The following EPS15L1 variants were observed in gnomAD, a reference collection of about 807,000 sequenced individuals.
EPS15L1 encodes the protein epidermal growth factor receptor substrate 15-like 1.
Under a neutral mutation model 117.1 loss-of-function variants are expected in EPS15L1, and 43 were observed. The observed-to-expected ratio is 0.37, with a 90% CI of 0.29 to 0.47. The LOEUF (loss-of-function observed/expected upper bound fraction) is 0.47. Among genes scored for constraint, EPS15L1 ranks in the 20% least tolerant of loss-of-function variants. The probability of loss-of-function intolerance (pLI) is 0.99; values close to 1 mark genes in which losing one functional copy is unlikely to be tolerated. For synonymous variants in EPS15L1, 459 were observed against 470.5 expected (o/e 0.98, Z 0.32); for missense variants, 981 against 1,164.0 (o/e 0.84, Z 2.29).
intron 1 of EPS15L1, among the ~76,000 whole-genome samples, chr19:16,452,389 C>T (rs1412296676): frequency 1.3e-5 from 2 of 148,758 alleles, no homozygotes; most frequent in Non-Finnish European, 3.0e-5. Flanking sequence ...GAGTTTGCAG[C>T]GAGCTGAGAT....
In EPS15L1 at chr19:16,373,617, G is replaced by A. The variant is rs546834194; in HGVS notation, c.2380+3505C>T. ...TTCACCCGACACTCATCTGCTGACC[G>A]CTCTTGCCCATAACCAGAGGCCTCC... On this transcript the variant is annotated intron_variant, in intron 22 of 23. Coordinates refer to ENST00000455140, the MANE Select transcript of EPS15L1 (RefSeq NM_001258374.3). Among the ~76,000 whole-genome samples the A allele has an allele frequency of 2.0e-5, 3 of 152,192 alleles. No homozygotes were observed. In the East Asian group the frequency reaches 5.8e-4, roughly 29 times the overall value.
chr19:16,440,935 AGCATGACT>A, intron 3 of EPS15L1, 26 bp from the exon 4 acceptor site: 1 of 1,613,210 alleles, frequency 6.2e-7, no homozygotes, highest in Non-Finnish European at 8.5e-7. Flanking sequence ...AATGCTCATA[AGCATGACT>A]GCCGATCACT....
At chr19:16,443,460 G>A (rs1223319796) in intron 1 of EPS15L1, 3 of 152,256 alleles carry the variant, frequency 2.0e-5, no homozygotes, top group Admixed American at 2.0e-4. Context: ...TATAATCCCA[G>A]TACTTTGTGA....
intron 4 of EPS15L1, 164 bp downstream of exon 4, chr19:16,440,698 A>G (rs1351550034): frequency 1.8e-6 from 1 of 571,188 alleles, no homozygotes; most frequent in East Asian, 2.8e-5. Context: ...CAAGTGTTTA[A>G]AAGACCTTTA....
chr19:16,430,225 G>T (rs2092914229), intron 7 of EPS15L1, among the ~76,000 whole-genome samples: 1 of 152,190 alleles, frequency 6.6e-6, no homozygotes, highest in South Asian at 2.1e-4. Context: ...AGTGGGTCAG[G>T]GGCCCTCCCC....
intron 1 of EPS15L1, among the ~76,000 whole-genome samples, chr19:16,469,386 G>T (rs1001261531): frequency 7.9e-5 from 12 of 152,136 alleles, no homozygotes; most frequent in Admixed American, 7.9e-4. Flanking sequence ...CGGGGTTAAG[G>T]ACGGAGGGGC....
chr19:16,441,842 G>A lies in EPS15L1; in HGVS notation c.165+50C>T, dbSNP rs751492265. 6.2e-6 allele frequency: 9 copies of A among 1,459,306 alleles called. No individual in the cohort carries two copies. In the East Asian group the frequency reaches 1.4e-4, roughly 22 times the overall value. 90.4% of individuals were successfully genotyped at this position (1,459,306 alleles called of 1,614,324 possible). ...ACAGGCTGGCCCTGACCTGCGGGGG[G>A]AGCTGTGAGGGCAGCCACAGAAGAG... On this transcript the variant is annotated intron_variant, in intron 3 of 23. Transcript: ENST00000455140.
At chr19:16,467,762 C>T (rs2093316932) in intron 1 of EPS15L1, among the ~76,000 whole-genome samples, 1 of 152,210 alleles carries the variant, frequency 6.6e-6, no homozygotes, top group African/African-American at 2.4e-5. Context: ...TCCAGACACA[C>T]TGGCCGGGTG....
intron 7 of EPS15L1, among the ~76,000 whole-genome samples, chr19:16,433,705 G>A (rs2092951344): frequency 1.3e-5 from 2 of 151,426 alleles, no homozygotes; most frequent in African/African-American, 2.4e-5. Context: ...GGTGGCTCAC[G>A]CCTGTAATCC....
At chr19:16,445,658 G>A (rs2093076161) in intron 1 of EPS15L1, among the ~76,000 whole-genome samples, 1 of 152,184 alleles carries the variant, frequency 6.6e-6, no homozygotes, top group Admixed American at 6.5e-5. Context: ...AGACCTCTTG[G>A]CCCCCAAAAG....
At chr19:16,391,227 A>C (rs1211695680) in intron 19 of EPS15L1, among the ~76,000 whole-genome samples, 1 of 152,196 alleles carries the variant, frequency 6.6e-6, no homozygotes, top group Non-Finnish European at 1.5e-5. Flanking sequence ...AAAAATAGAA[A>C]TAGAAAAGAG....
At chr19:16,387,283 G>T (rs2092429889) in intron 19 of EPS15L1, among the ~76,000 whole-genome samples, 1 of 152,180 alleles carries the variant, frequency 6.6e-6, no homozygotes, top group Non-Finnish European at 1.5e-5. Flanking sequence ...GGACAACATG[G>T]CAAAACCCTG....
chr19:16,378,275 G>A (rs1266495064), intron 21 of EPS15L1, among the ~76,000 whole-genome samples: 1 of 151,972 alleles, frequency 6.6e-6, no homozygotes, highest in African/African-American at 2.4e-5. Context: ...CTTCATCGCT[G>A]CCCCAGCTGC....
intron 10 of EPS15L1, 89 bp from the exon 11 acceptor site, chr19:16,418,193 A>ACAGCGAC: frequency 6.8e-7 from 1 of 1,461,208 alleles, no homozygotes; most frequent in Non-Finnish European, 9.3e-7. Flanking sequence ...TTCAAAAACG[A>ACAGCGAC]CAGCGACGAA....
chr19:16,421,419 G>C lies in EPS15L1; in HGVS notation c.850C>G (p.Leu284Val), dbSNP rs111241325. 39 of 1,614,090 alleles carry C rather than the reference G, an allele frequency of 2.4e-5. No individual in the cohort carries two copies. Among genetic ancestry groups the C allele is most frequent in the African/African-American group, 2.3e-4 (17 of 75,044 alleles). The change falls in exon 10 of 24, where the codon CTG (leucine) becomes GTG (valine). Residue 284 changes from leucine to valine, a missense_variant. Leu to Val is a conservative substitution (Grantham distance 32). Transcript: ENST00000455140. ...CCATCCAGGTCCAGGTCGGTCTTCA[G>C]GAATATCTCATCAAATCGCATCTTG... ...ADKMRFDEIF[L>V]KTDLDLDGYV...
rs1404399815 is a variant in EPS15L1, at chr19:16,418,247, T to C, written c.951-143A>G. ...TGGCAAGCCCCAGCTCCTTCCCTACTTCACATCTCCTTCCCAGGAAGTGGC... is the reference window on the plus strand; with the variant it reads ...TGGCAAGCCCCAGCTCCTTCCCTACCTCACATCTCCTTCCCAGGAAGTGGC... On this transcript the variant is annotated intron_variant, in intron 10 of 23. Transcript: ENST00000455140. 1.3e-5 allele frequency: 11 copies of C among 870,234 alleles called. No homozygotes were observed. The East Asian group carries it at 2.9e-4, about 23-fold the overall frequency. The allele number at this position is 870,234 out of a possible 1,614,324, so 53.9% of individuals were successfully genotyped here.
Position 16,402,442 on chromosome 19 carries a change from G to A in EPS15L1, c.1670C>T (p.Ala557Val), listed in dbSNP as rs1211487800. 1.2e-6 allele frequency: 2 copies of A among 1,611,966 alleles called. No individual in the cohort carries two copies. The highest frequency in any genetic ancestry group is 1.7e-5 in the Admixed American group (1 of 59,486). Reference sequence around the variant, plus strand: ...GTCATACTGCTCCAGGCTCCTGTGGGCCTCCTGGCGGCTTTCATGCAGCTG... The same window carrying A: ...GTCATACTGCTCCAGGCTCCTGTGGACCTCCTGGCGGCTTTCATGCAGCTG... Reference protein sequence around the residue: ...LSQLHESRQEAHRSLEQYDQV... With the variant: ...LSQLHESRQEVHRSLEQYDQV... The change falls in exon 16 of 24, where the codon GCC becomes GTC. Residue 557 changes from alanine (A) to valine (V), a missense_variant. Around this residue, in one of 5 missense-constraint regions of EPS15L1, gnomAD observed 819 missense variants for 949.0 expected, o/e 0.86. Transcript: ENST00000455140.
At chr19:16,414,443 C>T (rs994232179) in intron 12 of EPS15L1, among the ~76,000 whole-genome samples, 1 of 152,078 alleles carries the variant, frequency 6.6e-6, no homozygotes. Flanking sequence ...CTCTGTCACC[C>T]AGGCTGGAGT....
chr19:16,395,942 C>CA (rs776880434), intron 16 of EPS15L1, among the ~76,000 whole-genome samples: 3,537 of 53,222 alleles, frequency 0.066, 120 homozygotes, highest in African/African-American at 0.2. Flanking sequence ...GAGTCTATCT[C>CA]AAAAAAAAAA....
Sources: gnomAD v4.1 joint callset for allele counts (sites outside exome capture counted in the v4.1 genomes callset) on GRCh38, gnomAD v4.1.1 for gene constraint, gnomAD v4.1.1 regional missense constraint, MANE v1.5 for transcripts, NCBI Gene and HGNC (gene_info 2026-07-23, HGNC 2026-07-21) for gene names.